Variants in LRP1B observed in about 807,000 individuals in gnomAD.
The protein encoded by LRP1B is low-density lipoprotein receptor-related protein 1B.
A neutral mutation model predicts 556.6 loss-of-function variants in LRP1B; 217 were observed. The ratio of observed to expected loss-of-function variants is 0.39; its 90% confidence interval spans 0.35 to 0.44. The LOEUF (loss-of-function observed/expected upper bound fraction) is 0.44. Ranked by LOEUF, LRP1B falls within the 20% of genes least tolerant of loss-of-function variation. LRP1B has a pLI of 1.00. For missense variants in LRP1B, 5,053 were observed against 5,620.8 expected, an observed-to-expected ratio of 0.90 and a Z score of 3.23; for synonymous variants, 2,047 against 1,865.8, an observed-to-expected ratio of 1.10 and a Z score of -2.50.
At chr2:141,584,568 T>A (rs186805339) in intron 2 of LRP1B, among the ~76,000 whole-genome samples, 14 of 152,352 alleles carry the variant, frequency 9.2e-5, no homozygotes, top group African/African-American at 2.6e-4. Flanking sequence ...TATATATTTT[T>A]ATTAATGAAC....
chr2:142,082,392 G>C (rs779947002), intron 1 of LRP1B, among the ~76,000 whole-genome samples: 1 of 152,082 alleles, frequency 6.6e-6, no homozygotes, highest in Non-Finnish European at 1.5e-5. Context: ...ATTATACCAA[G>C]TATTATCATT....
At chr2:141,399,689 A>G (rs1200417419) in intron 3 of LRP1B, among the ~76,000 whole-genome samples, 1 of 152,186 alleles carries the variant, frequency 6.6e-6, no homozygotes, top group Non-Finnish European at 1.5e-5. Flanking sequence ...AGACGTTCTC[A>G]TTGAACCCCC....
intron 18 of LRP1B, among the ~76,000 whole-genome samples, chr2:140,966,068 C>T (rs945175097): frequency 5.3e-5 from 8 of 152,134 alleles, no homozygotes; most frequent in Admixed American, 3.3e-4. Context: ...GGGTATATAC[C>T]CAGTAATGGG....
At chr2:140,825,330 C>T (rs1386416470) in intron 31 of LRP1B, among the ~76,000 whole-genome samples, 1 of 152,128 alleles carries the variant, frequency 6.6e-6, no homozygotes, top group Non-Finnish European at 1.5e-5. Flanking sequence ...GTTTCGGTCA[C>T]ACTGCACTTC....
intron 43 of LRP1B, among the ~76,000 whole-genome samples, chr2:140,573,046 T>C (rs1406606311): frequency 6.6e-6 from 1 of 151,686 alleles, no homozygotes; most frequent in African/African-American, 2.4e-5. Context: ...AAATTACAAC[T>C]AGATAAGAGA....
chr2:142,024,351 A>G (rs1366685603), intron 1 of LRP1B, among the ~76,000 whole-genome samples: 1 of 152,212 alleles, frequency 6.6e-6, no homozygotes, highest in East Asian at 1.9e-4. Context: ...TTTGACCTGC[A>G]TCAGAGTCAC....
chr2:140,721,289 A>G (rs1225982798), intron 35 of LRP1B, among the ~76,000 whole-genome samples: 1 of 152,124 alleles, frequency 6.6e-6, no homozygotes. Context: ...GATAAAGCAT[A>G]TGATTTTTCC....
chr2:140,359,893 C>G (rs1682428194), intron 72 of LRP1B, among the ~76,000 whole-genome samples: 1 of 151,588 alleles, frequency 6.6e-6, no homozygotes, highest in African/African-American at 2.4e-5. Flanking sequence ...AGCCAAAAGT[C>G]TGGAATTATT....
intron 9 of LRP1B, among the ~76,000 whole-genome samples, 177 bp from the exon 10 acceptor site, chr2:141,055,436 A>G (rs548917719): frequency 3.3e-5 from 5 of 152,102 alleles, no homozygotes; most frequent in South Asian, 4.1e-4. Flanking sequence ...ATAGAAGAGG[A>G]GACAGGGATT....
intron 2 of LRP1B, among the ~76,000 whole-genome samples, chr2:141,674,318 C>T (rs188784767): frequency 7.2e-4 from 109 of 152,102 alleles, no homozygotes; most frequent in African/African-American, 2.5e-3. Flanking sequence ...CATTTTAAGA[C>T]TTGCCTGTTG....
chr2:141,551,391 T>C (rs1352630986), intron 2 of LRP1B, among the ~76,000 whole-genome samples: 2 of 152,050 alleles, frequency 1.3e-5, no homozygotes, highest in African/African-American at 2.4e-5. Context: ...AACGTTGTTA[T>C]TATGAACTAG....
intron 7 of LRP1B, among the ~76,000 whole-genome samples, chr2:141,143,180 C>T (rs1291601204): frequency 2.0e-5 from 3 of 152,106 alleles, no homozygotes; most frequent in Non-Finnish European, 4.4e-5. Context: ...CCACCCCACT[C>T]GGCCTCCCAA....
chr2:141,133,452 A>G (rs1294723257), intron 7 of LRP1B, among the ~76,000 whole-genome samples: 2 of 152,054 alleles, frequency 1.3e-5, no homozygotes, highest in Admixed American at 1.3e-4. Flanking sequence ...GATAACATTA[A>G]GTAAATTCCT....
intron 41 of LRP1B, among the ~76,000 whole-genome samples, chr2:140,663,020 A>T (rs10168291): frequency 0.78 from 118,511 of 152,028 alleles, 47,374 homozygotes; most frequent in Non-Finnish European, 0.88. Context: ...CTAACTTTAT[A>T]AAAATGCTTT....
intron 4 of LRP1B, among the ~76,000 whole-genome samples, chr2:141,252,878 TCTC>T (rs1684314744): frequency 1.3e-5 from 2 of 152,120 alleles, no homozygotes; most frequent in South Asian, 4.1e-4. Flanking sequence ...AGTACAAAGA[TCTC>T]CTCTCCCACT....
intron 66 of LRP1B, among the ~76,000 whole-genome samples, chr2:140,399,857 C>T (rs906008178): frequency 6.6e-6 from 1 of 152,180 alleles, no homozygotes; most frequent in Admixed American, 6.5e-5. Context: ...ATACATTGTA[C>T]ATTGTAAGCT....
In LRP1B at chr2:140,233,009, G is replaced by T. The variant is rs1680534375; in HGVS notation, c.*177C>A. The T allele has an allele frequency of 4.6e-6, 2 of 434,848 alleles. No individual in the cohort carries two copies. Among genetic ancestry groups the T allele is most frequent in the Admixed American group, 4.1e-5 (1 of 24,260 alleles). 26.9% of individuals were successfully genotyped at this position (434,848 alleles called of 1,614,324 possible). ...TTTTTCATAAAAATACCATACAAAT[G>T]GTCAATCAATAGTCATCAGCAAAAA... On this transcript the variant is annotated 3_prime_UTR_variant, in exon 91 of 91. Coordinates refer to ENST00000389484, the MANE Select transcript of LRP1B (RefSeq NM_018557.3).
rs74849681 is a variant in LRP1B at position 141,066,555 on chromosome 2, C to T, written c.1014-4282G>A. Among the ~76,000 whole-genome samples the T allele has an allele frequency of 7.0e-3, 1,069 of 151,870 alleles. 10 individuals carry two copies. The highest frequency in any genetic ancestry group is 0.025 in the African/African-American group (1,016 of 41,450). On this transcript the variant is annotated intron_variant, in intron 7 of 90. Coordinates refer to ENST00000389484, the MANE Select transcript of LRP1B (RefSeq NM_018557.3). ...TTTTAGCTGATAAAAATAAGAATTG[C>T]TTTTGCCAGTGATATCCATTTTAAA...
intron 2 of LRP1B, among the ~76,000 whole-genome samples, chr2:141,744,034 T>TTTTCAG (rs1693822610): frequency 6.6e-6 from 1 of 151,986 alleles, no homozygotes; most frequent in Non-Finnish European, 1.5e-5. Context: ...CTTCTATTTA[T>TTTTCAG]TTTCAGTTTA....
Sources: gnomAD v4.1 joint callset for allele counts (sites outside exome capture counted in the v4.1 genomes callset) on GRCh38, gnomAD v4.1.1 for gene constraint, MANE v1.5 for transcripts, NCBI Gene and HGNC (gene_info 2026-07-23, HGNC 2026-07-21) for gene names.